COL11A1: variants seen among roughly 807,000 people sequenced by gnomAD.
COL11A1 encodes the protein collagen type XI alpha 1 chain.
A neutral mutation model predicts 265.2 loss-of-function variants in COL11A1; 74 were observed. That is an observed-to-expected ratio of 0.28 (90% confidence interval 0.23 to 0.34). The LOEUF (loss-of-function observed/expected upper bound fraction) is 0.34, where lower values mean the gene tolerates loss of function less well. Among genes scored for constraint, COL11A1 ranks in the 10% least tolerant of loss-of-function variants. COL11A1 has a pLI of 1.00. For synonymous variants in COL11A1, 816 were observed against 727.6 expected (o/e 1.12, Z -1.96); for missense variants, 2,165 against 2,263.6 (o/e 0.96, Z 0.88).
intron 42 of COL11A1, among the ~76,000 whole-genome samples, chr1:102,941,852 T>A (rs1658756506): frequency 1.3e-5 from 2 of 152,154 alleles, no homozygotes; most frequent in South Asian, 4.1e-4. Flanking sequence ...GATAATAAAC[T>A]ATGTGAGGGT....
chr1:103,034,775 G>C (rs1273059980), intron 4 of COL11A1, among the ~76,000 whole-genome samples: 1 of 151,514 alleles, frequency 6.6e-6, no homozygotes, highest in East Asian at 1.9e-4. Context: ...GTTGTCTCAT[G>C]ATGTTGAAAG....
chr1:102,947,792 T>A (rs979090371), intron 41 of COL11A1, among the ~76,000 whole-genome samples: 1 of 151,944 alleles, frequency 6.6e-6, no homozygotes, highest in Non-Finnish European at 1.5e-5. Context: ...ACATACATAC[T>A]AAGTATTGTA....
intron 3 of COL11A1, among the ~76,000 whole-genome samples, chr1:103,076,440 T>C (rs1348990488): frequency 6.6e-6 from 1 of 152,152 alleles, no homozygotes; most frequent in Non-Finnish European, 1.5e-5. Context: ...GAAGCCATTA[T>C]TCTGCTTCAC....
At chr1:103,003,371 T>C in intron 20 of COL11A1, 103 bp from the exon 21 acceptor site, 2 of 1,231,298 alleles carry the variant, frequency 1.6e-6, no homozygotes, top group Non-Finnish European at 2.3e-6. Context: ...AGAATAAAAA[T>C]ATTTGGACAT....
chr1:102,954,985 G>T (rs1194704163), intron 41 of COL11A1, among the ~76,000 whole-genome samples: 1 of 151,930 alleles, frequency 6.6e-6, no homozygotes, highest in East Asian at 1.9e-4. Context: ...TTAAAGCATA[G>T]ACTCTGATGA....
intron 56 of COL11A1, 101 bp from the exon 57 acceptor site, chr1:102,898,279 TATCACCCTTAA>T (rs1652704157): frequency 2.0e-6 from 1 of 508,912 alleles, no homozygotes; most frequent in African/African-American, 2.1e-5. Context: ...ACAAAGGAAA[TATCACCCTTAA>T]GTTCCACCAT....
At chr1:102,921,614 A>ATG (rs1655999122) in intron 47 of COL11A1, 43 bp from the exon 48 acceptor site, 1 of 1,481,080 alleles carries the variant, frequency 6.8e-7, no homozygotes, top group Non-Finnish European at 9.3e-7. Flanking sequence ...CCAAATTCAA[A>ATG]TGTGTTTCCA....
intron 53 of COL11A1, among the ~76,000 whole-genome samples, chr1:102,913,211 T>C (rs963360496): frequency 9.6e-5 from 12 of 125,552 alleles, no homozygotes; most frequent in African/African-American, 3.3e-4. Flanking sequence ...CATTCACAAG[T>C]TTTTTTTAAA....
intron 4 of COL11A1, among the ~76,000 whole-genome samples, chr1:103,069,301 A>G (rs71655806): frequency 0.037 from 5,651 of 151,888 alleles, 124 homozygotes; most frequent in Middle Eastern, 0.092. Context: ...GGCAATATAA[A>G]TCATGAAAAG....
chr1:103,093,372 C>A (rs879831531), intron 1 of COL11A1, among the ~76,000 whole-genome samples: 1 of 152,016 alleles, frequency 6.6e-6, no homozygotes, highest in Non-Finnish European at 1.5e-5. Flanking sequence ...ATTAGAAAAA[C>A]CACTGAGGAG....
intron 4 of COL11A1, among the ~76,000 whole-genome samples, chr1:103,042,444 G>A (rs1027191724): frequency 1.3e-5 from 2 of 151,926 alleles, no homozygotes; most frequent in Non-Finnish European, 2.9e-5. Flanking sequence ...ATTCACTGTT[G>A]GCACCCCAAT....
chr1:103,054,492 A>AAAGC (rs1480640619), intron 4 of COL11A1, among the ~76,000 whole-genome samples: 2 of 152,204 alleles, frequency 1.3e-5, no homozygotes, highest in Non-Finnish European at 2.9e-5. Flanking sequence ...AGTCTTTTAC[A>AAAGC]AAGCCAAATG....
chr1:103,012,552 C>G (rs1057242832), intron 13 of COL11A1, 83 bp from the exon 14 acceptor site: 3 of 999,768 alleles, frequency 3.0e-6, no homozygotes, highest in Admixed American at 3.7e-5. Flanking sequence ...ACAAGCTGCC[C>G]TTAAGTAATA....
chr1:102,949,435 GTTT>G (rs1293168940), intron 41 of COL11A1, among the ~76,000 whole-genome samples: 1 of 150,080 alleles, frequency 6.7e-6, no homozygotes, highest in East Asian at 1.9e-4. Context: ...CTTTAATCCT[GTTT>G]AAACCCTAAC....
At chr1:102,996,772 C>T (rs910292229) in intron 26 of COL11A1, among the ~76,000 whole-genome samples, 4 of 151,832 alleles carry the variant, frequency 2.6e-5, no homozygotes, top group Non-Finnish European at 5.9e-5. Context: ...ATTGGGGTTA[C>T]ATAAGCAGTT....
chr1:102,956,982 G>T (rs925197654), intron 41 of COL11A1, among the ~76,000 whole-genome samples: 2 of 151,380 alleles, frequency 1.3e-5, no homozygotes, highest in Non-Finnish European at 3.0e-5. Context: ...GCTATGGTTA[G>T]CAAGAGATTT....
At position 103,057,843 on chromosome 1, in the gene COL11A1, T is replaced by C. The variant is rs556578437; in HGVS notation, c.651+16775A>G. On this transcript the variant is annotated intron_variant, in intron 4 of 66. Transcript: ENST00000370096. ...CATTCAGACTTTGTGGTTCCATTTA[T>C]AGAGTACAGCAGGATTGATTTAGTA... 3.3e-5 allele frequency among the ~76,000 whole-genome samples: 5 copies of C among 152,302 alleles called. No homozygotes were observed. In the East Asian group the frequency reaches 9.6e-4, roughly 29 times the overall value.
intron 50 of COL11A1, 34 bp from the exon 51 acceptor site, chr1:102,914,845 A>C: frequency 6.8e-7 from 1 of 1,480,612 alleles, no homozygotes. Flanking sequence ...AAGAAGAAGA[A>C]GGAAAGAAGA....
chr1:103,076,096 T>C (rs1422361007), intron 3 of COL11A1, among the ~76,000 whole-genome samples: 1 of 152,154 alleles, frequency 6.6e-6, no homozygotes, highest in Non-Finnish European at 1.5e-5. Context: ...GTTTAATTAA[T>C]GTAGGCTATG....
Sources: gnomAD v4.1 joint callset for allele counts (sites outside exome capture counted in the v4.1 genomes callset) on GRCh38, gnomAD v4.1.1 for gene constraint, MANE v1.5 for transcripts, NCBI Gene and HGNC (gene_info 2026-07-23, HGNC 2026-07-21) for gene names.